The following VRK1 variants were observed in gnomAD, a reference collection of about 807,000 sequenced individuals.
The protein encoded by VRK1 is serine/threonine-protein kinase VRK1.
A neutral mutation model predicts 57.1 loss-of-function variants in VRK1; 33 were observed. The observed-to-expected ratio is 0.58, with a 90% CI of 0.44 to 0.77. The LOEUF (loss-of-function observed/expected upper bound fraction) is 0.77. Among genes scored for constraint, VRK1 ranks in the 30% least tolerant of loss-of-function variants. VRK1 has a pLI of 0.00. For synonymous variants in VRK1, 137 were observed against 147.8 expected (o/e 0.93, Z 0.53); for missense variants, 413 against 477.3 (o/e 0.87, Z 1.25).
intron 1 of VRK1, among the ~76,000 whole-genome samples, chr14:96,815,888 A>G (rs761427022): frequency 1.8e-4 from 26 of 145,214 alleles, no homozygotes; most frequent in African/African-American, 3.0e-4. Flanking sequence ...CCCTGTCTGG[A>G]AAAAAAAAAA....
chr14:96,815,997 C>T (rs1228917145), intron 1 of VRK1, among the ~76,000 whole-genome samples: 1 of 152,026 alleles, frequency 6.6e-6, no homozygotes, highest in Non-Finnish European at 1.5e-5. Context: ...GAAATAGGGC[C>T]CCTTGTAGAA....
intron 1 of VRK1, among the ~76,000 whole-genome samples, chr14:96,801,959 ATGT>A (rs1595633046): frequency 6.6e-6 from 1 of 152,142 alleles, no homozygotes; most frequent in East Asian, 1.9e-4. Flanking sequence ...GTTCACACTC[ATGT>A]TGTTCAAGGG....
intron 1 of VRK1, among the ~76,000 whole-genome samples, chr14:96,819,609 A>G (rs1886520515): frequency 6.6e-6 from 1 of 152,232 alleles, no homozygotes; most frequent in South Asian, 2.1e-4. Context: ...AATAGGAGCC[A>G]TTGCAGTCAA....
At chr14:96,812,365 T>C (rs1335845153) in intron 1 of VRK1, among the ~76,000 whole-genome samples, 3 of 152,206 alleles carry the variant, frequency 2.0e-5, no homozygotes, top group Non-Finnish European at 4.4e-5. Flanking sequence ...TTTATATTCT[T>C]ACTAACAATC....
Position 96,823,481 on chromosome 14 carries a change from A to G in VRK1, c.-5-9986A>G, listed in dbSNP as rs187525344. Among the ~76,000 whole-genome samples the G allele has an allele frequency of 2.0e-5, 3 of 152,354 alleles. No homozygotes were observed. In the East Asian group the frequency reaches 5.8e-4, roughly 29 times the overall value. ...AAGAATAACCTCTGAAAAAAATACCAATTGTAATGCTTTTCCAGTTGTGTG... is the reference window on the plus strand; with the variant it reads ...AAGAATAACCTCTGAAAAAAATACCGATTGTAATGCTTTTCCAGTTGTGTG... On this transcript the variant is annotated intron_variant, in intron 1 of 12. Coordinates refer to ENST00000216639, the MANE Select transcript of VRK1 (RefSeq NM_003384.3).
In VRK1 at chr14:96,817,186, G is replaced by T. The variant is rs10145544; in HGVS notation, c.-5-16281G>T. Among the ~76,000 whole-genome samples the T allele has an allele frequency of 8.6e-3, 1,305 of 152,208 alleles. 19 individuals are homozygous for T. The highest frequency in any genetic ancestry group is 0.029 in the African/African-American group (1,213 of 41,542). On this transcript the variant is annotated intron_variant, in intron 1 of 12. Transcript: ENST00000216639. ...ATGTATTTGAAAATTCTTCTAAGGA[G>T]AAGTTTTTTTCTTTAAAGCCATATT...
At chr14:96,800,905 T>G (rs1414181791) in intron 1 of VRK1, among the ~76,000 whole-genome samples, 2 of 152,042 alleles carry the variant, frequency 1.3e-5, no homozygotes, top group Non-Finnish European at 2.9e-5. Flanking sequence ...GGGAATGGTC[T>G]GTCATATACT....
chr14:96,803,664 C>T (rs1197930832), intron 1 of VRK1, among the ~76,000 whole-genome samples: 2 of 152,160 alleles, frequency 1.3e-5, no homozygotes, highest in East Asian at 3.8e-4. Flanking sequence ...ATGTATCCCT[C>T]ACAGATGAAG....
chr14:96,877,810 G>T, intron 12 of VRK1: 1 of 437,704 alleles, frequency 2.3e-6, no homozygotes, highest in Non-Finnish European at 3.0e-6. Flanking sequence ...AGCATCAAGC[G>T]TTTTTGTTTT....
At chr14:96,820,278 CT>C (rs1886550052) in intron 1 of VRK1, among the ~76,000 whole-genome samples, 1 of 151,702 alleles carries the variant, frequency 6.6e-6, no homozygotes, top group African/African-American at 2.4e-5. Flanking sequence ...ACTTATAGAG[CT>C]TTTTCACCTT....
chr14:96,877,425 T>C, intron 12 of VRK1: 2 of 1,146,408 alleles, frequency 1.7e-6, no homozygotes, highest in Non-Finnish European at 2.3e-6. Context: ...GTAGTCCCTC[T>C]CTTTTTCCCG....
chr14:96,801,886 T>G (rs1435608532), intron 1 of VRK1, among the ~76,000 whole-genome samples: 1 of 152,056 alleles, frequency 6.6e-6, no homozygotes, highest in Admixed American at 6.6e-5. Flanking sequence ...AGAGGAGAGG[T>G]TGGTCTTGCT....
At chr14:96,800,866 C>T (rs1306193979) in intron 1 of VRK1, among the ~76,000 whole-genome samples, 1 of 151,652 alleles carries the variant, frequency 6.6e-6, no homozygotes, top group African/African-American at 2.4e-5. Context: ...AATTAAATTG[C>T]AAGCACAAGC....
intron 1 of VRK1, among the ~76,000 whole-genome samples, chr14:96,823,067 C>T (rs1198694985): frequency 1.3e-5 from 2 of 152,174 alleles, no homozygotes; most frequent in Non-Finnish European, 2.9e-5. Context: ...GAGCAAAGTC[C>T]TTTCAGAGGA....
rs147973609 is a variant in VRK1 at position 96,851,390 on chromosome 14, C to T, written c.375-1441C>T. On this transcript the variant is annotated intron_variant, in intron 5 of 12. Transcript: ENST00000216639. ...TGCTGACCTCAGGTGATCCACCAGC[C>T]TTGGCCTCCCAAAGTGCTGAGATTA... Among the ~76,000 whole-genome samples, 607 of 152,266 alleles carry T rather than the reference C, an allele frequency of 4.0e-3. 35 individuals carry two copies. In the East Asian group the frequency reaches 0.1, roughly 26 times the overall value.
chr14:96,859,165 T>C (rs1466752006), intron 10 of VRK1: 1 of 152,218 alleles, frequency 6.6e-6, no homozygotes, highest in Non-Finnish European at 1.5e-5. Flanking sequence ...TTTGATAGTT[T>C]ATTTTCCAAT....
chr14:96,855,308 C>T lies in VRK1; in HGVS notation c.661C>T (p.His221Tyr), dbSNP rs1566709533. 1.2e-6 allele frequency: 2 copies of T among 1,614,102 alleles called. No homozygotes were observed. Among genetic ancestry groups the T allele is most frequent in the African/African-American group, 1.3e-5 (1 of 75,044 alleles). Residue 221 changes from histidine (H) to tyrosine (Y), a missense_variant, in exon 8 of 13, where the codon CAC becomes TAC. Transcript: ENST00000216639. ...ATACAAAGAAGACCCCAAAAGATGT[C>T]ACGATGGCACTATTGAATTCACGAG... ...KEYKEDPKRC[H>Y]DGTIEFTSID...
chr14:96,850,968 C>T (rs1323680697), intron 5 of VRK1, among the ~76,000 whole-genome samples: 1 of 152,152 alleles, frequency 6.6e-6, no homozygotes, highest in African/African-American at 2.4e-5. Flanking sequence ...TCATTACACA[C>T]ATCACCTATT....
intron 10 of VRK1, among the ~76,000 whole-genome samples, chr14:96,858,013 C>G (rs1280356676): frequency 2.0e-5 from 3 of 152,136 alleles, no homozygotes; most frequent in Non-Finnish European, 4.4e-5. Flanking sequence ...TTTTCTTTCA[C>G]TTAGTAATGT....
Sources: gnomAD v4.1 joint callset for allele counts (sites outside exome capture counted in the v4.1 genomes callset) on GRCh38, gnomAD v4.1.1 for gene constraint, MANE v1.5 for transcripts, NCBI Gene and HGNC (gene_info 2026-07-23, HGNC 2026-07-21) for gene names.